NCALD: variants seen among roughly 807,000 people sequenced by gnomAD.
The protein encoded by NCALD is neurocalcin-delta.
NCALD carries 10 observed loss-of-function variants against 18.6 expected under a neutral mutation model. The ratio of observed to expected loss-of-function variants is 0.54; its 90% CI spans 0.33 to 0.91. The LOEUF is 0.91. Ranked by LOEUF, NCALD falls within the 40% of genes least tolerant of loss-of-function variation. The pLI, the probability that NCALD is intolerant of heterozygous loss-of-function variation, is 0.03. For missense variants in NCALD, 184 were observed against 247.6 expected (o/e 0.74, Z 1.72); for synonymous variants, 88 against 87.4 (o/e 1.01, Z -0.04).
chr8:101,823,378 G>A (rs1467595526), intron 4 of NCALD, among the ~76,000 whole-genome samples: 3 of 152,212 alleles, frequency 2.0e-5, no homozygotes, highest in Non-Finnish European at 2.9e-5. Context: ...GGAAAGACAA[G>A]AAGAATGCTT....
chr8:102,034,959 T>C (rs1822807641), intron 1 of NCALD, among the ~76,000 whole-genome samples: 1 of 152,192 alleles, frequency 6.6e-6, no homozygotes, highest in South Asian at 2.1e-4. Context: ...CTATACCCAA[T>C]AAACAACAAC....
At chr8:101,790,497 G>C (rs1362990364) in intron 1 of NCALD, among the ~76,000 whole-genome samples, 1 of 152,182 alleles carries the variant, frequency 6.6e-6, no homozygotes, top group Non-Finnish European at 1.5e-5. Flanking sequence ...AGAAAAGTTA[G>C]AAACACATTG....
intron 1 of NCALD, among the ~76,000 whole-genome samples, chr8:102,081,621 G>A (rs1470454810): frequency 4.1e-5 from 6 of 144,618 alleles, no homozygotes; most frequent in Non-Finnish European, 9.0e-5. Flanking sequence ...TACCTCTTCC[G>A]AACTCTGCAA....
At chr8:101,786,512 T>A (rs1812234723) in intron 1 of NCALD, among the ~76,000 whole-genome samples, 1 of 152,144 alleles carries the variant, frequency 6.6e-6, no homozygotes, top group African/African-American at 2.4e-5. Flanking sequence ...AATATGGTCG[T>A]CACAAACCTG....
chr8:101,917,298 A>G (rs1318404820), intron 2 of NCALD, among the ~76,000 whole-genome samples: 1 of 152,128 alleles, frequency 6.6e-6, no homozygotes, highest in African/African-American at 2.4e-5. Context: ...GAAATAAATG[A>G]AAACAGAGAT....
chr8:101,811,339 G>T (rs868800075), intron 4 of NCALD, among the ~76,000 whole-genome samples: 1 of 152,176 alleles, frequency 6.6e-6, no homozygotes, highest in Admixed American at 6.6e-5. Flanking sequence ...GGAGGAAGGG[G>T]CCATGAGCCA....
chr8:101,770,722 C>T (rs1220023983), intron 1 of NCALD, among the ~76,000 whole-genome samples: 1 of 152,150 alleles, frequency 6.6e-6, no homozygotes, highest in Non-Finnish European at 1.5e-5. Context: ...CAGAGACAGC[C>T]ACAGTCAAGA....
At chr8:102,055,985 G>A (rs1823637112) in intron 1 of NCALD, among the ~76,000 whole-genome samples, 1 of 152,172 alleles carries the variant, frequency 6.6e-6, no homozygotes, top group Non-Finnish European at 1.5e-5. Flanking sequence ...TACATCCTTA[G>A]TGATCTTTTA....
chr8:102,116,179 G>A (rs1406231811), intron 1 of NCALD, among the ~76,000 whole-genome samples: 1 of 152,134 alleles, frequency 6.6e-6, no homozygotes, highest in Admixed American at 6.5e-5. Context: ...AATGGGTGCA[G>A]CACAGCAACA....
At chr8:101,697,013 G>GT (rs1003895794) in intron 2 of NCALD, among the ~76,000 whole-genome samples, 7 of 151,854 alleles carry the variant, frequency 4.6e-5, no homozygotes, top group African/African-American at 1.2e-4. Flanking sequence ...TCCAGGAGCT[G>GT]TTTTTTTGAA....
intron 2 of NCALD, among the ~76,000 whole-genome samples, chr8:101,712,875 C>T (rs1461323158): frequency 6.6e-6 from 1 of 152,128 alleles, no homozygotes; most frequent in African/African-American, 2.4e-5. Flanking sequence ...ATCAACAAGA[C>T]AGAAAATTAA....
chr8:102,007,999 C>T (rs1313811007), intron 2 of NCALD, among the ~76,000 whole-genome samples: 1 of 152,218 alleles, frequency 6.6e-6, no homozygotes, highest in African/African-American at 2.4e-5. Context: ...ACCTAAGCTT[C>T]CCCCTCTATA....
chr8:101,696,164 C>T (rs908034095), intron 2 of NCALD, among the ~76,000 whole-genome samples: 2 of 152,164 alleles, frequency 1.3e-5, no homozygotes, highest in African/African-American at 4.8e-5. Flanking sequence ...TCATGGAAAT[C>T]CCTGCTCTTA....
chr8:101,817,140 T>G (rs1193987885), intron 4 of NCALD, among the ~76,000 whole-genome samples: 2 of 152,116 alleles, frequency 1.3e-5, no homozygotes, highest in African/African-American at 4.8e-5. Context: ...ATTCCTTGGT[T>G]GAACCCAAAC....
intron 1 of NCALD, among the ~76,000 whole-genome samples, chr8:102,064,362 C>G (rs1051582902): frequency 1.3e-5 from 2 of 152,186 alleles, no homozygotes; most frequent in African/African-American, 4.8e-5. Context: ...GAGTCAGGTA[C>G]ATGCTCCTTT....
intron 2 of NCALD, chr8:101,694,396 G>A (rs1054193464): frequency 9.2e-5 from 14 of 152,120 alleles, no homozygotes; most frequent in African/African-American, 3.4e-4. Context: ...AACATGTTCT[G>A]GATAAGGTAG....
chr8:101,840,044 C>T (rs369396902), intron 4 of NCALD, among the ~76,000 whole-genome samples: 1 of 151,604 alleles, frequency 6.6e-6, no homozygotes, highest in East Asian at 1.9e-4. Context: ...AGAAATATGT[C>T]CATGTAATAA....
chr8:101,954,854 T>G (rs533400647), intron 2 of NCALD, among the ~76,000 whole-genome samples: 5 of 152,362 alleles, frequency 3.3e-5, no homozygotes, highest in African/African-American at 1.2e-4. Flanking sequence ...AATATTTTCA[T>G]GAACAAGTAT....
intron 3 of NCALD, among the ~76,000 whole-genome samples, chr8:101,910,298 G>A (rs1563887401): frequency 7.1e-6 from 1 of 141,012 alleles, no homozygotes; most frequent in Non-Finnish European, 1.5e-5. Flanking sequence ...TATTTGACTT[G>A]AGGAAACAGT....
Sources: gnomAD v4.1 joint callset for allele counts (sites outside exome capture counted in the v4.1 genomes callset) on GRCh38, gnomAD v4.1.1 for gene constraint, MANE v1.5 for transcripts, NCBI Gene and HGNC (gene_info 2026-07-23, HGNC 2026-07-21) for gene names.